The following TSNARE1 variants were observed in gnomAD, a reference collection of about 807,000 sequenced individuals.
TSNARE1 encodes the protein t-SNARE domain-containing protein 1.
Under a neutral mutation model 62.0 loss-of-function variants are expected in TSNARE1, and 49 were observed. That is an observed-to-expected ratio of 0.79 (90% CI 0.63 to 1.00). The LOEUF is 1.00. TSNARE1 is among the 50% of genes least tolerant of loss of function. The pLI, the probability that TSNARE1 is intolerant of heterozygous loss-of-function variation, is 0.00. For missense variants in TSNARE1, 755 were observed against 700.1 expected (o/e 1.08, Z -0.88); for synonymous variants, 328 against 294.4 (o/e 1.11, Z -1.17).
At chr8:142,315,302 G>T (rs1163920688) in intron 7 of TSNARE1, among the ~76,000 whole-genome samples, 1 of 151,892 alleles carries the variant, frequency 6.6e-6, no homozygotes, top group Non-Finnish European at 1.5e-5. Flanking sequence ...CGGTGCAGGG[G>T]TCAACACCAC....
At chr8:142,388,113 G>A (rs79110776) in intron 1 of TSNARE1, among the ~76,000 whole-genome samples, 170 of 152,106 alleles carry the variant, frequency 1.1e-3, no homozygotes, top group Non-Finnish European at 4.4e-4. Flanking sequence ...TAGCAACTTC[G>A]TTTGTATAAT....
intron 12 of TSNARE1, among the ~76,000 whole-genome samples, chr8:142,236,213 G>A (rs1231295175): frequency 6.6e-6 from 1 of 152,116 alleles, no homozygotes; most frequent in Non-Finnish European, 1.5e-5. Flanking sequence ...AGACAAAAAT[G>A]CAAAGAGGGA....
upstream of TSNARE1, chr8:142,404,270 G>C (rs903901453): frequency 1.3e-5 from 2 of 152,326 alleles, no homozygotes; most frequent in Admixed American, 6.5e-5. Flanking sequence ...TGCGCACACG[G>C]GTTCTGTGAA....
intron 12 of TSNARE1, among the ~76,000 whole-genome samples, chr8:142,230,923 T>C (rs547623283): frequency 1.3e-5 from 2 of 150,130 alleles, no homozygotes; most frequent in East Asian, 4.0e-4. Flanking sequence ...TATCCATCTG[T>C]CCATCCATCC....
At chr8:142,317,950 T>A (rs1434196200) in intron 7 of TSNARE1, among the ~76,000 whole-genome samples, 2 of 152,000 alleles carry the variant, frequency 1.3e-5, no homozygotes, top group African/African-American at 4.8e-5. Flanking sequence ...AGAGCAAGAC[T>A]CCGTCTCAAA....
intron 1 of TSNARE1, among the ~76,000 whole-genome samples, chr8:142,376,379 C>T (rs573232061): frequency 3.9e-5 from 6 of 152,330 alleles, no homozygotes; most frequent in Admixed American, 1.3e-4. Flanking sequence ...GCCTCTAAGG[C>T]GATGGCGTTA....
At chr8:142,218,198 G>C (rs1459574231) in intron 13 of TSNARE1, among the ~76,000 whole-genome samples, 2 of 145,460 alleles carry the variant, frequency 1.4e-5, no homozygotes, top group African/African-American at 5.2e-5. Context: ...AGGACTCAGA[G>C]TGTGACCAGA....
At chr8:142,272,849 A>G (rs1454683515) in intron 12 of TSNARE1, 2 of 983,726 alleles carry the variant, frequency 2.0e-6, no homozygotes, top group Non-Finnish European at 2.4e-6. Flanking sequence ...TTCTATGCAG[A>G]GGCAACTTCA....
At position 142,333,107 on chromosome 8, in the gene TSNARE1, C is replaced by T. The variant is rs1033180127; in HGVS notation, c.746-1276G>A. ...CCAGGCTGGGGAACTGGGGCAGGGC[C>T]GGAGGGACCCTCCTGGGTGAGGGCC... On this transcript the variant is annotated intron_variant, in intron 4 of 13. Coordinates refer to ENST00000524325, the MANE Select transcript of TSNARE1 (RefSeq NM_145003.5). Among the ~76,000 whole-genome samples the T allele has an allele frequency of 2.6e-4, 40 of 152,206 alleles. 1 individual carries two copies. Among genetic ancestry groups the T allele is most frequent in the Non-Finnish European group, 8.8e-5 (6 of 68,032 alleles).
At chr8:142,234,008 T>C (rs546625875) in intron 12 of TSNARE1, among the ~76,000 whole-genome samples, 41 of 152,296 alleles carry the variant, frequency 2.7e-4, no homozygotes, top group Admixed American at 5.9e-4. Context: ...ACCCTAGCCA[T>C]CCTGAATGTG....
chr8:142,282,453 A>G lies in TSNARE1; in HGVS notation c.1363+1960T>C, dbSNP rs960836852. On this transcript the variant is annotated intron_variant, in intron 11 of 13. Coordinates refer to ENST00000524325, the MANE Select transcript of TSNARE1 (RefSeq NM_145003.5). The stretch of plus-strand genomic sequence containing the variant: ...GCGGAGCAGGGGCCAGTGTCTATCA[A>G]TGAGCAAAGGGGAGGCCACTGTCTG... Among the ~76,000 whole-genome samples the G allele has an allele frequency of 9.9e-5, 15 of 151,972 alleles. 1 individual carries two copies. The highest frequency in any genetic ancestry group is 3.9e-4 in the Admixed American group (6 of 15,288).
At chr8:142,276,306 C>T in intron 11 of TSNARE1, 1 of 985,444 alleles carries the variant, frequency 1.0e-6, no homozygotes, top group East Asian at 1.1e-4. Context: ...ACATTAGGGT[C>T]ACGACCCTCT....
At chr8:142,228,011 C>T (rs1235273426) in intron 13 of TSNARE1, among the ~76,000 whole-genome samples, 3 of 152,160 alleles carry the variant, frequency 2.0e-5, no homozygotes, top group Non-Finnish European at 2.9e-5. Context: ...CCAGCCTTCC[C>T]GGAGTTTACA....
intron 1 of TSNARE1, among the ~76,000 whole-genome samples, chr8:142,390,319 A>G (rs1273070259): frequency 6.7e-6 from 1 of 149,954 alleles, no homozygotes; most frequent in Admixed American, 6.6e-5. Context: ...GACGCTGTAC[A>G]CTGCGGGGGA....
chr8:142,271,411 C>T (rs1431786642), intron 12 of TSNARE1: 9 of 1,244,178 alleles, frequency 7.2e-6, no homozygotes, highest in Admixed American at 4.2e-5. Flanking sequence ...GGTGGGAGTC[C>T]AGCAGCTGCT....
At chr8:142,406,641 T>A (rs1838587718), upstream of TSNARE1, 1 of 152,282 alleles carries the variant, frequency 6.6e-6, no homozygotes, top group Non-Finnish European at 1.5e-5. Flanking sequence ...TCTTGCTGTG[T>A]GATGCTCAGC....
intron 11 of TSNARE1, chr8:142,280,167 C>T (rs1821178211): frequency 4.1e-6 from 4 of 985,316 alleles, no homozygotes; most frequent in African/African-American, 1.7e-5. Context: ...CCAGCACCTC[C>T]GTCTCCTGGG....
At chr8:142,339,728 G>C (rs116952702) in intron 4 of TSNARE1, among the ~76,000 whole-genome samples, 1 of 152,384 alleles carries the variant, frequency 6.6e-6, no homozygotes, top group East Asian at 1.9e-4. Flanking sequence ...AACCACTCCC[G>C]AGGGAGGTCT....
At chr8:142,359,566 G>A (rs1587007021) in intron 1 of TSNARE1, among the ~76,000 whole-genome samples, 1 of 152,162 alleles carries the variant, frequency 6.6e-6, no homozygotes, top group South Asian at 2.1e-4. Flanking sequence ...TGCCACACAA[G>A]TCCATGAGGA....
Sources: gnomAD v4.1 joint callset for allele counts (sites outside exome capture counted in the v4.1 genomes callset) on GRCh38, gnomAD v4.1.1 for gene constraint, MANE v1.5 for transcripts, NCBI Gene and HGNC (gene_info 2026-07-23, HGNC 2026-07-21) for gene names.